The following PTPN1 variants were observed in gnomAD, a reference collection of about 807,000 sequenced individuals.
PTPN1 encodes the protein tyrosine-protein phosphatase non-receptor type 1.
In PTPN1, 12 loss-of-function variants were observed where a neutral mutation model predicts 59.9. The ratio of observed to expected loss-of-function variants is 0.20; its 90% CI spans 0.13 to 0.32. The LOEUF is 0.32. Among genes scored for constraint, PTPN1 ranks in the 10% least tolerant of loss-of-function variants. The pLI, the probability that PTPN1 is intolerant of heterozygous loss-of-function variation, is 1.00. For synonymous variants in PTPN1, 178 were observed against 203.6 expected, an observed-to-expected ratio of 0.87 and a Z score of 1.07; for missense variants, 356 against 549.2, an observed-to-expected ratio of 0.65 and a Z score of 3.52.
At chr20:50,548,916 C>T (rs1359972114) in intron 1 of PTPN1, among the ~76,000 whole-genome samples, 1 of 152,132 alleles carries the variant, frequency 6.6e-6, no homozygotes, top group Non-Finnish European at 1.5e-5. Flanking sequence ...CGGGGTTTTA[C>T]CCTGTTGGCC....
chr20:50,524,569 C>CTTTTTTTGTTT (rs2082565271), intron 1 of PTPN1, among the ~76,000 whole-genome samples: 1 of 45,782 alleles, frequency 2.2e-5, no homozygotes, highest in African/African-American at 1.1e-4. Context: ...ATTATGTGGT[C>CTTTTTTTGTTT]TTTTTTTTTT....
At chr20:50,535,653 C>CTT (rs1161005406) in intron 1 of PTPN1, among the ~76,000 whole-genome samples, 1 of 152,128 alleles carries the variant, frequency 6.6e-6, no homozygotes, top group East Asian at 1.9e-4. Context: ...TTGCAACATG[C>CTT]TTTTCCTTTT....
chr20:50,581,235 G>A, intron 8 of PTPN1, 30 bp from the exon 9 acceptor site: 1 of 1,564,044 alleles, frequency 6.4e-7, no homozygotes, highest in Middle Eastern at 1.7e-4. Flanking sequence ...TCCAAAGTGA[G>A]TAACCCATCT....
Position 50,579,141 on chromosome 20 carries a change from G to A in PTPN1, c.703-27G>A, listed in dbSNP as rs766976882. The A allele has an allele frequency of 2.2e-5, 35 of 1,611,962 alleles. No individual in the cohort carries two copies. The East Asian group carries it at 7.6e-4, about 35-fold the overall frequency. On this transcript the variant is annotated intron_variant, in intron 6 of 9. Coordinates refer to ENST00000371621, the MANE Select transcript of PTPN1 (RefSeq NM_002827.4). The stretch of plus-strand genomic sequence containing the variant: ...TTGCCCTTGAGAATTGGACCTGGCT[G>A]ACTTATATCTCCTCTCTGGCTTTCA...
chr20:50,552,397 A>G (rs551169231), intron 1 of PTPN1, among the ~76,000 whole-genome samples: 5 of 152,308 alleles, frequency 3.3e-5, no homozygotes, highest in Admixed American at 6.5e-5. Flanking sequence ...CTCTTCTGTT[A>G]CTGTCACTGT....
Position 50,579,178 on chromosome 20 carries a change from G to A in PTPN1, c.713G>A (p.Arg238Lys). 2 of 1,614,236 alleles carry A rather than the reference G, an allele frequency of 1.2e-6. No individual in the cohort carries two copies. The highest frequency in any genetic ancestry group is 2.7e-5 in the African/African-American group (2 of 75,056). ...ADTCLLLMDK[R>K]KDPSSVDIKK... is the part of the protein sequence containing the mutation. ...CTCTCTGGCTTTCAGATGGACAAGA[G>A]GAAAGACCCTTCTTCCGTTGATATC... is the stretch of plus-strand genomic sequence containing the variant. Residue 238 changes from arginine (R) to lysine (K), a missense_variant, in exon 7 of 10, where the codon AGG (arginine) becomes AAG (lysine). Arg to Lys is a conservative substitution (Grantham distance 26, BLOSUM62 2). Transcript: ENST00000371621.
At chr20:50,575,263 G>C (rs1411438066) in intron 5 of PTPN1, among the ~76,000 whole-genome samples, 3 of 152,202 alleles carry the variant, frequency 2.0e-5, no homozygotes, top group Admixed American at 6.5e-5. Context: ...TCATTCTGGG[G>C]AACAGTGGAG....
At chr20:50,539,884 CT>C (rs199687816) in intron 1 of PTPN1, among the ~76,000 whole-genome samples, 24 of 147,640 alleles carry the variant, frequency 1.6e-4, no homozygotes, top group East Asian at 1.9e-4. Context: ...AGTTTTAAAT[CT>C]TTTTTTTTTA....
At chr20:50,537,213 G>T (rs1329156257) in intron 1 of PTPN1, among the ~76,000 whole-genome samples, 1 of 152,028 alleles carries the variant, frequency 6.6e-6, no homozygotes, top group African/African-American at 2.4e-5. Flanking sequence ...ATCCCAGCTA[G>T]TTGGGAGGCT....
intron 1 of PTPN1, among the ~76,000 whole-genome samples, chr20:50,522,450 A>C (rs561843141): frequency 2.8e-4 from 43 of 152,324 alleles, no homozygotes; most frequent in African/African-American, 1.0e-3. Context: ...CATGTGTCCA[A>C]CTTCATGACT....
chr20:50,535,167 G>A (rs991357959), intron 1 of PTPN1, among the ~76,000 whole-genome samples: 20 of 152,184 alleles, frequency 1.3e-4, no homozygotes, highest in Admixed American at 1.3e-4. Flanking sequence ...TATCTTTCAT[G>A]GGAGGACATG....
rs763469960 is a variant in PTPN1, at chr20:50,585,078, T to C, written c.*2363T>C. The C allele has an allele frequency of 1.3e-5, 2 of 152,218 alleles. No individual in the cohort carries two copies. Among genetic ancestry groups the C allele is most frequent in the Non-Finnish European group, 2.9e-5 (2 of 68,038 alleles). The allele number at this position is 152,218 out of a possible 1,614,324, so 9.4% of individuals were successfully genotyped here. On this transcript the variant is annotated 3_prime_UTR_variant, in exon 10 of 10. Coordinates refer to ENST00000371621, the MANE Select transcript of PTPN1 (RefSeq NM_002827.4). ...TTGTTTGAAGAACAGTGTTTTGAGT[T>C]GTAATCTCAAAACCATATCCCTTAC...
chr20:50,549,113 A>G (rs140260265), intron 1 of PTPN1, among the ~76,000 whole-genome samples: 4 of 152,334 alleles, frequency 2.6e-5, no homozygotes, highest in Admixed American at 6.5e-5. Context: ...TATCATTTGT[A>G]GAACTAACTA....
In PTPN1 at chr20:50,524,569, C is replaced by CTTTTTTTTTTTTTTT. The variant is rs764474360; in HGVS notation, c.63+13990_63+14004dup. Among the ~76,000 whole-genome samples, 90 of 45,792 alleles carry CTTTTTTTTTTTTTTT rather than the reference C, an allele frequency of 2.0e-3. 22 individuals carry two copies. The highest frequency in any genetic ancestry group is 3.9e-3 in the African/African-American group (34 of 8,780). The allele number at this position is 45,792 out of a possible 152,430, so 30.0% of individuals were successfully genotyped here. A position where few individuals can be genotyped will look rare whatever the true frequency, so the allele number is the denominator to read the frequency against. On this transcript the variant is annotated intron_variant, in intron 1 of 9. Coordinates refer to ENST00000371621, the MANE Select transcript of PTPN1 (RefSeq NM_002827.4). The stretch of plus-strand genomic sequence containing the variant: ...TGGCTGGTTTATCCCATTATGTGGT[C>CTTTTTTTTTTTTTTT]TTTTTTTTTTTTTTTTTTTTTTTTT...
At chr20:50,525,489 A>G (rs2082570671) in intron 1 of PTPN1, among the ~76,000 whole-genome samples, 1 of 152,240 alleles carries the variant, frequency 6.6e-6, no homozygotes, top group Admixed American at 6.5e-5. Context: ...TCTCTGCCAT[A>G]TATGCCATAT....
intron 1 of PTPN1, among the ~76,000 whole-genome samples, chr20:50,548,573 G>A (rs2082686754): frequency 6.6e-6 from 1 of 151,968 alleles, no homozygotes; most frequent in African/African-American, 2.4e-5. Flanking sequence ...ATACAGGTGT[G>A]AGAGCCGCCA....
chr20:50,511,607 T>A (rs1407679668), intron 1 of PTPN1, among the ~76,000 whole-genome samples: 1 of 152,200 alleles, frequency 6.6e-6, no homozygotes, highest in Non-Finnish European at 1.5e-5. Flanking sequence ...CATCTCCTTG[T>A]GTGTTAAAAA....
intron 1 of PTPN1, among the ~76,000 whole-genome samples, chr20:50,545,306 C>A (rs2122756468): frequency 6.6e-6 from 1 of 152,168 alleles, no homozygotes; most frequent in Admixed American, 6.5e-5. Context: ...ACATTGCATG[C>A]CTTCGTAGTG....
chr20:50,534,080 C>T (rs572999677), intron 1 of PTPN1, among the ~76,000 whole-genome samples: 2 of 152,214 alleles, frequency 1.3e-5, no homozygotes, highest in South Asian at 4.1e-4. Flanking sequence ...TACAGGCATG[C>T]GCCACCATGC....
Sources: allele counts gnomAD v4.1 joint callset (sites outside exome capture counted in the v4.1 genomes callset), GRCh38; gene constraint gnomAD v4.1.1; transcripts MANE v1.5; gene names NCBI Gene and HGNC (gene_info 2026-07-23, HGNC 2026-07-21).